Variants in PAM observed in about 807,000 individuals in gnomAD.
PAM encodes peptidylglycine alpha-amidating monooxygenase, also known as peptidyl-glycine alpha-amidating monooxygenase.
PAM carries 72 observed loss-of-function variants against 122.1 expected under a neutral mutation model. The ratio of observed to expected loss-of-function variants is 0.59; its 90% CI spans 0.49 to 0.72. The LOEUF (loss-of-function observed/expected upper bound fraction) is 0.72. PAM is among the 30% of genes least tolerant of loss of function. The pLI is 0.00. For synonymous variants in PAM, 389 were observed against 404.4 expected, an observed-to-expected ratio of 0.96 and a Z score of 0.46; for missense variants, 1,106 against 1,183.7, an observed-to-expected ratio of 0.93 and a Z score of 0.96.
intron 12 of PAM, among the ~76,000 whole-genome samples, chr5:102,954,452 AC>A (rs1194042788): frequency 6.6e-6 from 1 of 151,856 alleles, no homozygotes; most frequent in Non-Finnish European, 1.5e-5. Context: ...AATAAAAACT[AC>A]TTTAAAAGTA....
intron 15 of PAM, among the ~76,000 whole-genome samples, chr5:102,978,839 A>G (rs1441447787): frequency 3.9e-5 from 6 of 152,038 alleles, no homozygotes; most frequent in Non-Finnish European, 8.8e-5. Flanking sequence ...GGTTAAAAAA[A>G]AAAAAACACC....
chr5:102,951,685 G>A (rs1758945415), intron 12 of PAM, among the ~76,000 whole-genome samples: 1 of 152,042 alleles, frequency 6.6e-6, no homozygotes, highest in African/African-American at 2.4e-5. Flanking sequence ...GGTTTAAAAA[G>A]GAAAGCAGGA....
intron 3 of PAM, among the ~76,000 whole-genome samples, chr5:102,890,227 G>C (rs1201990046): frequency 2.0e-5 from 3 of 151,844 alleles, no homozygotes; most frequent in Non-Finnish European, 2.9e-5. Flanking sequence ...ATGTTTCATA[G>C]ATGGTGGTAT....
chr5:102,775,347 A>G (rs154633), intron 1 of PAM, among the ~76,000 whole-genome samples: 67,771 of 151,790 alleles, frequency 0.45, 15,547 homozygotes, highest in African/African-American at 0.55. Flanking sequence ...AATTTAATTT[A>G]ATTTTAAGTT....
intron 1 of PAM, among the ~76,000 whole-genome samples, chr5:102,802,624 G>A (rs953934359): frequency 2.0e-5 from 3 of 151,940 alleles, no homozygotes; most frequent in Admixed American, 6.6e-5. Context: ...AAAAACTGAG[G>A]CCCCACTTAA....
rs757260560 is a variant in PAM at position 103,009,862 on chromosome 5, G to A, written c.2327G>A (p.Arg776His). The change falls in exon 21 of 26, where the codon CGC becomes CAC. Residue 776 changes from arginine to histidine, a missense_variant. Around this residue, in one of 3 missense-constraint regions of PAM, gnomAD observed 333 missense variants for 335.6 expected, o/e 0.99. Coordinates refer to ENST00000438793, the MANE Select transcript of PAM (RefSeq NM_001177306.2). ...GEIIDIFKPV[R>H]KHFDMPHDIV... ...ATTATAGACATCTTCAAGCCAGTGC[G>A]CAAGGTATTTACACACATTGTCTAG... 29 of 1,546,394 alleles carry A rather than the reference G, an allele frequency of 1.9e-5. No homozygotes were observed. Among genetic ancestry groups the A allele is most frequent in the East Asian group, 9.0e-5 (4 of 44,328 alleles).
intron 1 of PAM, among the ~76,000 whole-genome samples, chr5:102,790,058 ACAT>A (rs1333955731): frequency 6.6e-6 from 1 of 152,086 alleles, no homozygotes; most frequent in Non-Finnish European, 1.5e-5. Context: ...AATTCTTGGA[ACAT>A]GGAAGATGCT....
At chr5:102,924,347 C>A (rs953795676) in intron 5 of PAM, among the ~76,000 whole-genome samples, 1 of 150,540 alleles carries the variant, frequency 6.6e-6, no homozygotes, top group African/African-American at 2.5e-5. Flanking sequence ...GCAGGAGAAT[C>A]GCTTGAACCC....
At chr5:102,801,995 G>C (rs970049052) in intron 1 of PAM, among the ~76,000 whole-genome samples, 1 of 150,640 alleles carries the variant, frequency 6.6e-6, no homozygotes, top group Non-Finnish European at 1.5e-5. Flanking sequence ...AGCCAGGATG[G>C]TCTCGATCTG....
At chr5:102,979,415 C>A (rs1159879165) in intron 15 of PAM, among the ~76,000 whole-genome samples, 2 of 152,054 alleles carry the variant, frequency 1.3e-5, no homozygotes, top group African/African-American at 4.8e-5. Flanking sequence ...TTATTGCTGG[C>A]ATTTCTGATG....
chr5:102,988,671 G>A (rs1582607899), intron 15 of PAM, among the ~76,000 whole-genome samples: 2 of 145,184 alleles, frequency 1.4e-5, no homozygotes, highest in South Asian at 2.1e-4. Flanking sequence ...GGAAAGGAAA[G>A]GAAAGGGAAA....
intron 1 of PAM, among the ~76,000 whole-genome samples, chr5:102,835,481 C>G (rs1776760452): frequency 1.3e-5 from 2 of 152,032 alleles, no homozygotes; most frequent in African/African-American, 4.8e-5. Context: ...GGAACATTTT[C>G]TCCTTTTAAA....
chr5:102,874,568 AAC>A (rs1305469815), intron 3 of PAM, among the ~76,000 whole-genome samples: 2 of 152,096 alleles, frequency 1.3e-5, no homozygotes, highest in Non-Finnish European at 2.9e-5. Flanking sequence ...AAAAATGAGA[AAC>A]AGATTTTTTA....
rs999494348 is a variant in PAM at position 102,786,688 on chromosome 5, G to A, written c.-374+31340G>A. On this transcript the variant is annotated intron_variant, in intron 1 of 25. Coordinates refer to ENST00000438793, the MANE Select transcript of PAM (RefSeq NM_001177306.2). Reference sequence around the variant, plus strand: ...CAAGTTAGACACATGCCATTTTTTAGGTCAAAGTTGCGGGTCAGAAAGGTA... The same window carrying A: ...CAAGTTAGACACATGCCATTTTTTAAGTCAAAGTTGCGGGTCAGAAAGGTA... Among the ~76,000 whole-genome samples the A allele has an allele frequency of 2.6e-5, 4 of 152,156 alleles. No homozygotes were observed. In the East Asian group the frequency reaches 7.7e-4, roughly 29 times the overall value.
chr5:102,853,510 GAA>G (rs1468542389), intron 1 of PAM, among the ~76,000 whole-genome samples: 1 of 152,154 alleles, frequency 6.6e-6, no homozygotes, highest in African/African-American at 2.4e-5. Flanking sequence ...AAAAATAAAA[GAA>G]AGATTTTATA....
chr5:102,785,973 CT>C (rs1760417759), intron 1 of PAM, among the ~76,000 whole-genome samples: 1 of 152,084 alleles, frequency 6.6e-6, no homozygotes, highest in African/African-American at 2.4e-5. Flanking sequence ...AAACTATAAT[CT>C]CTTACATTGG....
At chr5:102,794,324 A>C (rs1762808147) in intron 1 of PAM, among the ~76,000 whole-genome samples, 1 of 152,244 alleles carries the variant, frequency 6.6e-6, no homozygotes, top group Non-Finnish European at 1.5e-5. Context: ...AGGAATTGGC[A>C]GAAGTAGATT....
intron 24 of PAM, 98 bp downstream of exon 24, chr5:103,025,432 T>C: frequency 1.1e-6 from 1 of 905,784 alleles, no homozygotes; most frequent in Non-Finnish European, 1.8e-6. Context: ...TTCACTGTAT[T>C]TGTTTTTTTG....
rs556644742 is a variant in PAM, at chr5:102,791,644, A to T, written c.-374+36296A>T. Among the ~76,000 whole-genome samples, 7 of 152,276 alleles carry T rather than the reference A, an allele frequency of 4.6e-5. No individual in the cohort carries two copies. The East Asian group carries it at 1.2e-3, about 25-fold the overall frequency. On this transcript the variant is annotated intron_variant, in intron 1 of 25. Coordinates refer to ENST00000438793, the MANE Select transcript of PAM (RefSeq NM_001177306.2). ...CATTTTGCCAAGTGTTACTGAAGAA[A>T]AAATAAAATAAATTTTAAAACCAAA...
Sources: gnomAD v4.1 joint callset for allele counts (sites outside exome capture counted in the v4.1 genomes callset) on GRCh38, gnomAD v4.1.1 for gene constraint, gnomAD v4.1.1 regional missense constraint, MANE v1.5 for transcripts, NCBI Gene and HGNC (gene_info 2026-07-23, HGNC 2026-07-21) for gene names.